Variants in ASXL3 observed in about 807,000 individuals in gnomAD.
The protein encoded by ASXL3 is ASXL transcriptional regulator 3.
ASXL3 carries 34 observed loss-of-function variants against 170.6 expected under a neutral mutation model. That is an observed-to-expected ratio of 0.20 (90% confidence interval 0.15 to 0.27). ASXL3 has a LOEUF of 0.27. Among genes scored for constraint, ASXL3 ranks in the 10% least tolerant of loss-of-function variants. The probability of loss-of-function intolerance (pLI) is 1.00; values close to 1 mark genes in which losing one functional copy is unlikely to be tolerated. For missense variants in ASXL3, 2,592 were observed against 2,695.3 expected, an observed-to-expected ratio of 0.96 and a Z score of 0.85; for synonymous variants, 1,002 against 989.1, an observed-to-expected ratio of 1.01 and a Z score of -0.24.
At chr18:33,730,280 A>G (rs979250357) in intron 8 of ASXL3, among the ~76,000 whole-genome samples, 2 of 152,120 alleles carry the variant, frequency 1.3e-5, no homozygotes, top group Admixed American at 6.6e-5. Context: ...AAGAGTGCCA[A>G]TCTTGAGAAA....
rs1555736920 is a variant in ASXL3 at position 33,713,346 on chromosome 18, C to CG, written c.880-18622_880-18621insG. Among the ~76,000 whole-genome samples, 46 of 133,838 alleles carry CG rather than the reference C, an allele frequency of 3.4e-4. 1 individual carries two copies. Among genetic ancestry groups the CG allele is most frequent in the African/African-American group, 1.2e-3 (44 of 35,400 alleles). The allele number at this position is 133,838 out of a possible 152,430, so 87.8% of individuals were successfully genotyped here. A position where few individuals can be genotyped will look rare whatever the true frequency, so the allele number is the denominator to read the frequency against. On this transcript the variant is annotated intron_variant, in intron 8 of 11. Transcript: ENST00000269197. ...CTTGGCTCACTGCAACCTCCACCCC[C>CG]CCCCGGGTTCAAGTGATTCTCCTGC...
chr18:33,741,420 T>C (rs762855920), intron 11 of ASXL3, among the ~76,000 whole-genome samples: 3 of 152,198 alleles, frequency 2.0e-5, no homozygotes, highest in Non-Finnish European at 4.4e-5. Flanking sequence ...TATTAATTAA[T>C]AAATTAAGCA....
chr18:33,612,184 C>CATAT lies in ASXL3; in HGVS notation c.137+4520_137+4523dup, dbSNP rs112285121. Among the ~76,000 whole-genome samples the CATAT allele has an allele frequency of 5.7e-3, 853 of 149,994 alleles. 4 individuals carry two copies. The highest frequency in any genetic ancestry group is 0.024 in the Middle Eastern group (7 of 292). On this transcript the variant is annotated intron_variant, in intron 2 of 11. Transcript: ENST00000269197. ...AGGGTGAAGTGGTCATAAAATTAAA[C>CATAT]ATATATATATATATACACAAACCAC...
At chr18:33,656,282 T>G (rs1006913178) in intron 4 of ASXL3, among the ~76,000 whole-genome samples, 2 of 152,082 alleles carry the variant, frequency 1.3e-5, no homozygotes, top group African/African-American at 4.8e-5. Context: ...CAGAAAACTG[T>G]TGTGATTTGA....
intron 2 of ASXL3, among the ~76,000 whole-genome samples, chr18:33,643,269 A>C (rs1022118719): frequency 2.0e-5 from 3 of 151,878 alleles, no homozygotes; most frequent in Non-Finnish European, 2.9e-5. Context: ...GAATTTATTC[A>C]TGGAAAGACA....
rs1325838196 is a variant in ASXL3 at position 33,744,978 on chromosome 18, T to G, written c.5130T>G (p.Ala1710=). 6 of 1,613,892 alleles carry G rather than the reference T, an allele frequency of 3.7e-6. No homozygotes were observed. The highest frequency in any genetic ancestry group is 2.2e-5 in the East Asian group (1 of 44,872). ...SSVQQTQNMK[A]STSSPMEEAI... The stretch of plus-strand genomic sequence containing the variant: ...TACAACAAACACAGAACATGAAAGC[T>G]TCCACCTCAAGTCCCATGGAAGAGG... Residue 1710 remains alanine (A), a synonymous_variant, in exon 12 of 12, where the codon GCT becomes GCG. Transcript: ENST00000269197.
Position 33,745,327 on chromosome 18 carries a change from C to T in ASXL3, c.5479C>T (p.Pro1827Ser). The part of the protein sequence containing the change: ...PLQMRKRENH[P>S]KKRVARTVGE... ...CCAAATGAGAAAGCGAGAAAACCAC[C>T]CCAAAAAGAGAGTAGCTAGGACTGT... Residue 1827 changes from proline (P) to serine (S), a missense_variant, in exon 12 of 12, where the codon CCC becomes TCC. Pro to Ser is a moderately conservative substitution (Grantham distance 74, BLOSUM62 -1). Around this residue, in one of 4 missense-constraint regions of ASXL3, gnomAD observed 2,246 missense variants for 2,219.6 expected, o/e 1.01. Coordinates refer to ENST00000269197, the MANE Select transcript of ASXL3 (RefSeq NM_030632.3). The T allele has an allele frequency of 6.2e-7, 1 of 1,613,884 alleles. No homozygotes were observed. Among genetic ancestry groups the T allele is most frequent in the Non-Finnish European group, 8.5e-7 (1 of 1,179,884 alleles).
intron 8 of ASXL3, among the ~76,000 whole-genome samples, chr18:33,711,958 G>C (rs534942883): frequency 2.0e-5 from 3 of 152,066 alleles, no homozygotes; most frequent in Non-Finnish European, 4.4e-5. Context: ...TTTCTTAAAT[G>C]TTCATGCTAT....
chr18:33,665,815 C>T (rs574425814), intron 5 of ASXL3, among the ~76,000 whole-genome samples: 1 of 151,964 alleles, frequency 6.6e-6, no homozygotes, highest in Non-Finnish European at 1.5e-5. Context: ...GAAAAGCATG[C>T]ACAGTCAGCA....
chr18:33,731,997 T>C lies in ASXL3; in HGVS notation c.909T>C (p.Ser303=). 6.2e-7 allele frequency: 1 copy of C among 1,613,044 alleles called. No homozygotes were observed. The highest frequency in any genetic ancestry group is 1.1e-5 in the South Asian group (1 of 90,860). The part of the protein sequence containing the change: ...QMGSDGILRL[S]TSALNNEFFA... ...GAAGTGATGGAATTTTACGCCTCAG[T>C]ACTTCAGCTCTAAATAATGAATTCT... The change falls in exon 9 of 12, where the codon AGT becomes AGC. Residue 303 remains serine (S), a synonymous_variant. Transcript: ENST00000269197.
chr18:33,686,402 T>A (rs1433296321), intron 8 of ASXL3, among the ~76,000 whole-genome samples: 1 of 152,190 alleles, frequency 6.6e-6, no homozygotes, highest in Non-Finnish European at 1.5e-5. Flanking sequence ...TAGAATCACA[T>A]AAATGTCATA....
At chr18:33,735,190 A>AT (rs1367197002) in intron 10 of ASXL3, among the ~76,000 whole-genome samples, 2 of 152,216 alleles carry the variant, frequency 1.3e-5, no homozygotes, top group Non-Finnish European at 2.9e-5. Context: ...AAGGACACAG[A>AT]TGGTTGCAGG....
intron 5 of ASXL3, among the ~76,000 whole-genome samples, chr18:33,668,919 A>G (rs1020951976): frequency 2.0e-5 from 3 of 152,062 alleles, no homozygotes; most frequent in Non-Finnish European, 4.4e-5. Flanking sequence ...CCACACACAC[A>G]CAAACTATTT....
chr18:33,644,916 C>A lies in ASXL3; in HGVS notation c.160C>A (p.Leu54Met). 6.3e-7 allele frequency: 1 copy of A among 1,577,978 alleles called. No individual in the cohort carries two copies. The highest frequency in any genetic ancestry group is 1.2e-5 in the South Asian group (1 of 85,920). ...ETSGTSPLAC[L>M]NAMLHTNTRI... ...TAGTGGAACCTCTCCATTAGCCTGT[C>A]TGAATGCAATGCTTCACACTAACAC... The change falls in exon 3 of 12, where the codon CTG (leucine) becomes ATG (methionine). Residue 54 changes from leucine (L) to methionine (M), a missense_variant. Physicochemically the swap from Leu to Met is conservative, Grantham distance 15. Around this residue, in one of 4 missense-constraint regions of ASXL3, gnomAD observed 251 missense variants for 281.9 expected, o/e 0.89. Coordinates refer to ENST00000269197, the MANE Select transcript of ASXL3 (RefSeq NM_030632.3).
At chr18:33,660,673 T>C (rs1327678439) in intron 4 of ASXL3, among the ~76,000 whole-genome samples, 1 of 152,174 alleles carries the variant, frequency 6.6e-6, no homozygotes, top group Non-Finnish European at 1.5e-5. Context: ...ATTCTGTCGC[T>C]AATCATAGTA....
At chr18:33,624,753 C>T (rs1401835230) in intron 2 of ASXL3, among the ~76,000 whole-genome samples, 1 of 152,030 alleles carries the variant, frequency 6.6e-6, no homozygotes, top group East Asian at 1.9e-4. Flanking sequence ...GGGAGCAAAA[C>T]CAATTTGCTG....
rs1207808514 is a variant in ASXL3 at position 33,713,229 on chromosome 18, GTTTTTTTTGTTTTGTTTTGTT to G, written c.880-18730_880-18710del. ...GCAGTTAGCAATCTACCACAAGAAG[GTTTTTTTTGTTTTGTTTTGTT>G]TTTTTTTTTTTTTTTTTTTTTTTTG... On this transcript the variant is annotated intron_variant, in intron 8 of 11. Transcript: ENST00000269197. Among the ~76,000 whole-genome samples the G allele has an allele frequency of 3.4e-3, 279 of 81,760 alleles. 37 individuals carry two copies. The highest frequency in any genetic ancestry group is 0.016 in the African/African-American group (249 of 16,038). The allele number at this position is 81,760 out of a possible 152,430, so 53.6% of individuals were successfully genotyped here.
intron 3 of ASXL3, among the ~76,000 whole-genome samples, chr18:33,645,836 G>T (rs1423380184): frequency 2.0e-5 from 3 of 151,902 alleles, no homozygotes; most frequent in African/African-American, 7.2e-5. Context: ...TCTACTGTGT[G>T]TGTTTCAGAA....
chr18:33,629,976 A>G (rs1474084744), intron 2 of ASXL3, among the ~76,000 whole-genome samples: 1 of 151,988 alleles, frequency 6.6e-6, no homozygotes, highest in Non-Finnish European at 1.5e-5. Context: ...AATGTACGGA[A>G]GAAGAGTATT....
Sources: gnomAD v4.1 joint callset for allele counts (sites outside exome capture counted in the v4.1 genomes callset) on GRCh38, gnomAD v4.1.1 for gene constraint, gnomAD v4.1.1 regional missense constraint, MANE v1.5 for transcripts, NCBI Gene and HGNC (gene_info 2026-07-23, HGNC 2026-07-21) for gene names.